Variants in CYP2C18 observed in about 807,000 individuals in gnomAD.
The protein encoded by CYP2C18 is cytochrome P450 2C18.
A neutral mutation model predicts 41.3 loss-of-function variants in CYP2C18; 38 were observed. The ratio of observed to expected loss-of-function variants is 0.92; its 90% CI spans 0.71 to 1.21. The LOEUF (loss-of-function observed/expected upper bound fraction) is 1.21. Among genes scored for constraint, CYP2C18 ranks in the 50% most tolerant of loss-of-function variants. The probability of loss-of-function intolerance (pLI) is 0.00; values close to 1 mark genes in which losing one functional copy is unlikely to be tolerated. For synonymous variants in CYP2C18, 236 were observed against 210.0 expected (o/e 1.12, Z -1.07); for missense variants, 635 against 591.4 (o/e 1.07, Z -0.77).
At chr10:94,730,800 C>A (rs1294793318) in intron 7 of CYP2C18, among the ~76,000 whole-genome samples, 6 of 152,104 alleles carry the variant, frequency 3.9e-5, no homozygotes. Flanking sequence ...TCCAAAAGGG[C>A]CTCTGGAAGG....
At chr10:94,707,091 C>A (rs1360442055) in intron 5 of CYP2C18, 131 bp downstream of exon 5, 3 of 572,772 alleles carry the variant, frequency 5.2e-6, no homozygotes, top group Admixed American at 3.8e-5. Context: ...CTGGATGAAG[C>A]ACCATGGAGA....
chr10:94,695,202 T>TGTG, intron 4 of CYP2C18, 125 bp downstream of exon 4: 1 of 830,664 alleles, frequency 1.2e-6, no homozygotes, highest in Non-Finnish European at 1.9e-6. Flanking sequence ...GGCAGGTTTG[T>TGTG]CACATGGGTA....
intron 7 of CYP2C18, among the ~76,000 whole-genome samples, chr10:94,725,360 A>AT (rs1203630789): frequency 6.6e-6 from 1 of 151,810 alleles, no homozygotes; most frequent in Non-Finnish European, 1.5e-5. Flanking sequence ...GGCATTGCTA[A>AT]TTTTTTGTTT....
chr10:94,719,391 A>G (rs1377168332), intron 5 of CYP2C18, among the ~76,000 whole-genome samples: 1 of 151,398 alleles, frequency 6.6e-6, no homozygotes, highest in Non-Finnish European at 1.5e-5. Flanking sequence ...CGCTTACAAC[A>G]TGAACCTTCA....
At chr10:94,733,853 G>A (rs1271680746) in intron 8 of CYP2C18, among the ~76,000 whole-genome samples, 5 of 152,020 alleles carry the variant, frequency 3.3e-5, no homozygotes, top group Non-Finnish European at 7.4e-5. Flanking sequence ...AAGTATCTGA[G>A]AGCAGAGAAT....
At chr10:94,724,038 A>G (rs1225688603) in intron 6 of CYP2C18, among the ~76,000 whole-genome samples, 2 of 151,940 alleles carry the variant, frequency 1.3e-5, no homozygotes, top group Non-Finnish European at 2.9e-5. Context: ...TTCTTCAAGA[A>G]CAGTAATTTC....
chr10:94,714,753 A>G (rs1467905063), intron 5 of CYP2C18, among the ~76,000 whole-genome samples: 1 of 152,182 alleles, frequency 6.6e-6, no homozygotes, highest in East Asian at 1.9e-4. Context: ...CATTGAATCT[A>G]TAAATTACCT....
chr10:94,696,305 G>A (rs1847116034), intron 4 of CYP2C18, among the ~76,000 whole-genome samples: 1 of 152,146 alleles, frequency 6.6e-6, no homozygotes, highest in African/African-American at 2.4e-5. Context: ...CGATCAGGTA[G>A]CAACATTTGC....
chr10:94,735,393 T>A lies in CYP2C18; in HGVS notation c.1422T>A (p.Asn474Lys), dbSNP rs940792312. ...PKDIDITPIA[N>K]AFGRVPPLYQ... ...ATATTGACATCACCCCCATTGCCAA[T>A]GCATTTGGTCGTGTGCCACCCTTGT... Residue 474 changes from asparagine (N) to lysine (K), a missense_variant, in exon 9 of 9, where the codon AAT becomes AAA. Asn to Lys is a moderately conservative substitution (Grantham distance 94). Transcript: ENST00000285979. 6.2e-7 allele frequency: 1 copy of A among 1,613,608 alleles called. No individual in the cohort carries two copies. Among genetic ancestry groups the A allele is most frequent in the East Asian group, 2.2e-5 (1 of 44,876 alleles).
At chr10:94,693,550 C>G (rs1020145759) in intron 3 of CYP2C18, among the ~76,000 whole-genome samples, 1 of 152,176 alleles carries the variant, frequency 6.6e-6, no homozygotes, top group African/African-American at 2.4e-5. Context: ...ATTTTCACTA[C>G]ATCATGTTCA....
chr10:94,683,804 A>G lies in CYP2C18; in HGVS notation c.-16A>G, dbSNP rs201820267. 179 of 1,566,104 alleles carry G rather than the reference A, an allele frequency of 1.1e-4. No individual in the cohort carries two copies. Among genetic ancestry groups the G allele is most frequent in the Admixed American group, 3.4e-4 (18 of 52,490 alleles). On this transcript the variant is annotated 5_prime_UTR_variant, in exon 1 of 9. Coordinates refer to ENST00000285979, the MANE Select transcript of CYP2C18 (RefSeq NM_000772.3). ...GTGAAAGCCCGCAGTTGTCTTACTA[A>G]GAAGAGAAGCCTTCAATGGATCCAG...
chr10:94,713,638 C>T (rs1477128320), intron 5 of CYP2C18, among the ~76,000 whole-genome samples: 3 of 152,180 alleles, frequency 2.0e-5, no homozygotes, highest in Non-Finnish European at 4.4e-5. Flanking sequence ...CCACAATAAA[C>T]ATACGTGTGC....
At chr10:94,727,140 T>A (rs767680706) in intron 7 of CYP2C18, among the ~76,000 whole-genome samples, 4 of 152,198 alleles carry the variant, frequency 2.6e-5, no homozygotes, top group Non-Finnish European at 5.9e-5. Flanking sequence ...CATATCTGAT[T>A]GTTTAATTTT....
At chr10:94,716,776 TG>T (rs1227502479) in intron 5 of CYP2C18, among the ~76,000 whole-genome samples, 2 of 152,300 alleles carry the variant, frequency 1.3e-5, no homozygotes, top group South Asian at 4.1e-4. Flanking sequence ...ATGTTGACAG[TG>T]GGGTGTTAAA....
chr10:94,704,312 T>C (rs1328943568), intron 4 of CYP2C18, among the ~76,000 whole-genome samples: 5 of 151,820 alleles, frequency 3.3e-5, no homozygotes, highest in Non-Finnish European at 7.4e-5. Context: ...GGGTGTTTTG[T>C]TGCCTGCTAT....
chr10:94,718,385 A>G (rs1220545488), intron 5 of CYP2C18, among the ~76,000 whole-genome samples: 3 of 152,108 alleles, frequency 2.0e-5, no homozygotes, highest in Non-Finnish European at 4.4e-5. Flanking sequence ...TCATGCCATC[A>G]GCAAACAGAG....
Position 94,692,323 on chromosome 10 carries a change from AC to A in CYP2C18, c.482-2593del, listed in dbSNP as rs577589696. ...AATCACAATGAACTCAAACAAATTT[AC>A]AAGAAAAAAAAAAGATCCCCATCAA... is the stretch of plus-strand genomic sequence containing the variant. On this transcript the variant is annotated intron_variant, in intron 3 of 8. Coordinates refer to ENST00000285979, the MANE Select transcript of CYP2C18 (RefSeq NM_000772.3). Among the ~76,000 whole-genome samples the A allele has an allele frequency of 2.4e-3, 372 of 152,262 alleles. 2 individuals carry two copies. The highest frequency in any genetic ancestry group is 7.8e-3 in the African/African-American group (324 of 41,536).
intron 5 of CYP2C18, 112 bp from the exon 6 acceptor site, chr10:94,720,284 G>C: frequency 1.1e-6 from 1 of 905,326 alleles, no homozygotes; most frequent in East Asian, 2.6e-5. Flanking sequence ...ACTGCACTCT[G>C]TACAGTTTCC....
At chr10:94,717,533 G>A (rs1847573616) in intron 5 of CYP2C18, among the ~76,000 whole-genome samples, 1 of 152,026 alleles carries the variant, frequency 6.6e-6, no homozygotes, top group Non-Finnish European at 1.5e-5. Flanking sequence ...GGCTTGTATT[G>A]CCCAGATCAA....
Sources: gnomAD v4.1 joint callset for allele counts (sites outside exome capture counted in the v4.1 genomes callset) on GRCh38, gnomAD v4.1.1 for gene constraint, MANE v1.5 for transcripts, NCBI Gene and HGNC (gene_info 2026-07-23, HGNC 2026-07-21) for gene names.